Variants in VEGFA observed in about 807,000 individuals in gnomAD.
The protein encoded by VEGFA is vascular endothelial growth factor A, long form.
In VEGFA, 20 loss-of-function variants were observed where a neutral mutation model predicts 49.7. The ratio of observed to expected loss-of-function variants is 0.40; its 90% CI spans 0.28 to 0.58. The LOEUF is 0.58. VEGFA is among the 20% of genes least tolerant of loss of function. VEGFA has a pLI of 0.40. For missense variants in VEGFA, 505 were observed against 553.5 expected, an observed-to-expected ratio of 0.91 and a Z score of 0.88; for synonymous variants, 219 against 223.4, an observed-to-expected ratio of 0.98 and a Z score of 0.18.
chr6:43,777,335 A>C lies in VEGFA; in HGVS notation c.659-134A>C. 1 of 919,286 alleles carries C rather than the reference A, an allele frequency of 1.1e-6. No homozygotes were observed. The highest frequency in any genetic ancestry group is 2.6e-5 in the East Asian group (1 of 38,496). 56.9% of individuals were successfully genotyped at this position (919,286 alleles called of 1,614,324 possible). On this transcript the variant is annotated intron_variant, in intron 2 of 7. Coordinates refer to ENST00000672860, the MANE Select transcript of VEGFA (RefSeq NM_003376.6). The surrounding 1 kb of genome is among the most constrained non-coding windows in gnomAD (Gnocchi z 4.3). ...AAGTGCTTCAAACACAGTAGGAGGGACTTACGTTAGATTTTGGAAGGACTT... is the reference window on the plus strand; with the variant it reads ...AAGTGCTTCAAACACAGTAGGAGGGCCTTACGTTAGATTTTGGAAGGACTT...
At chr6:43,779,914 T>A in intron 5 of VEGFA, 1 of 333,806 alleles carries the variant, frequency 3.0e-6, no homozygotes, top group Non-Finnish European at 6.1e-6. Flanking sequence ...TTTCCCCAAA[T>A]GACTGCTCTG....
rs530287018 is a variant in VEGFA, at chr6:43,785,290, TC to T, written c.*729del. The T allele has an allele frequency of 2.4e-5, 5 of 207,282 alleles. No homozygotes were observed. The highest frequency in any genetic ancestry group is 4.9e-5 in the Non-Finnish European group (5 of 101,254). The allele number at this position is 207,282 out of a possible 1,614,324, so 12.8% of individuals were successfully genotyped here. A position where few individuals can be genotyped will look rare whatever the true frequency, so the allele number is the denominator to read the frequency against. ...CAGGTCAGACGGACAGAAAGACAGA[TC>T]ACAGGTACAGGGATGAGGACACCGG... On this transcript the variant is annotated 3_prime_UTR_variant, in exon 8 of 8. Transcript: ENST00000672860.
chr6:43,780,313 C>G (rs1315570294), intron 5 of VEGFA: 2 of 297,458 alleles, frequency 6.7e-6, no homozygotes, highest in South Asian at 3.4e-5. Flanking sequence ...TCTGGCCTAC[C>G]TTTTATCACC....
intron 3 of VEGFA, 179 bp from the exon 4 acceptor site, chr6:43,778,281 G>T: frequency 1.5e-6 from 1 of 680,442 alleles, no homozygotes; most frequent in Non-Finnish European, 2.7e-6. Context: ...GCAGGGTTGG[G>T]GGAGTTGGGG....
intron 5 of VEGFA, chr6:43,779,810 A>G (rs1473944699): frequency 6.8e-6 from 3 of 441,842 alleles, no homozygotes; most frequent in Admixed American, 4.8e-5. Context: ...CTTCCCTGTG[A>G]CAGACATCCT....
chr6:43,781,121 C>T (rs1275408585), intron 6 of VEGFA: 2 of 573,780 alleles, frequency 3.5e-6, no homozygotes, highest in Non-Finnish European at 3.1e-6. Flanking sequence ...CCCATGTTGG[C>T]ACAGGTGCCT....
chr6:43,776,393 T>G (rs1450516568), intron 2 of VEGFA: 1 of 152,212 alleles, frequency 6.6e-6, no homozygotes, highest in Non-Finnish European at 1.5e-5. Context: ...GGCCACAATT[T>G]GGAGTAGTCA....
At chr6:43,779,605 C>T (rs565525356) in intron 5 of VEGFA, 2 of 439,978 alleles carry the variant, frequency 4.5e-6, no homozygotes, top group African/African-American at 2.0e-5. Flanking sequence ...TGTGCCCTGC[C>T]CTTTCCCCCA....
Position 43,771,109 on chromosome 6 carries a change from G to C in VEGFA, c.403G>C (p.Ala135Pro). Residue 135 changes from alanine to proline, a missense_variant, in exon 1 of 8, where the codon GCT becomes CCT. Coordinates refer to ENST00000672860, the MANE Select transcript of VEGFA (RefSeq NM_003376.6). ...CGCAGACAGTGCTCCAGCCGCGCGC[G>C]CTCCCCAGGCCCTGGCCCGGGCCTC... The C allele has an allele frequency of 1.4e-6, 2 of 1,464,408 alleles. No homozygotes were observed. The highest frequency in any genetic ancestry group is 2.4e-4 in the Middle Eastern group (1 of 4,246). 90.7% of individuals were successfully genotyped at this position (1,464,408 alleles called of 1,614,324 possible). A position where few individuals can be genotyped will look rare whatever the true frequency, so the allele number is the denominator to read the frequency against.
At chr6:43,771,955 G>C in intron 1 of VEGFA, 2 of 956,630 alleles carry the variant, frequency 2.1e-6, no homozygotes, top group Non-Finnish European at 2.5e-6. Flanking sequence ...CCGCCCGGCC[G>C]GGTGCGCGCG....
chr6:43,785,949 A>G lies in VEGFA; in HGVS notation c.*1387A>G, dbSNP rs1394687532. On this transcript the variant is annotated 3_prime_UTR_variant, in exon 8 of 8. Transcript: ENST00000672860. ...CTCTTATTTGTACCGGTTTTTGTAT[A>G]TAAAATTCATGTTTCCAATCTCTCT... 5.6e-6 allele frequency: 1 copy of G among 180,010 alleles called. No homozygotes were observed. The highest frequency in any genetic ancestry group is 9.7e-5 in the East Asian group (1 of 10,284). The allele number at this position is 180,010 out of a possible 1,614,324, so 11.2% of individuals were successfully genotyped here.
At chr6:43,778,654 G>A in intron 4 of VEGFA, 118 bp downstream of exon 4, 1 of 1,162,496 alleles carries the variant, frequency 8.6e-7, no homozygotes, top group Non-Finnish European at 1.3e-6. Flanking sequence ...TGTGACCTTT[G>A]GCATTTTACT....
rs1339912264 is a variant in VEGFA, at chr6:43,770,975, C to G, written c.269C>G (p.Pro90Arg). 14 of 1,543,122 alleles carry G rather than the reference C, an allele frequency of 9.1e-6. No individual in the cohort carries two copies. In the African/African-American group the frequency reaches 9.7e-5, roughly 11 times the overall value. ...AGTGCTAGCTCGGGCCGGGAGGAGC[C>G]GCAGCCGGAGGAGGGGGAGGAGGAA... The change falls in exon 1 of 8, where the codon CCG becomes CGG. Residue 90 changes from proline to arginine, a missense_variant. Around this residue, in one of 2 missense-constraint regions of VEGFA, gnomAD observed 340 missense variants for 321.8 expected, o/e 1.06. Transcript: ENST00000672860.
chr6:43,776,343 T>G (rs532261341), intron 2 of VEGFA: 2 of 152,386 alleles, frequency 1.3e-5, no homozygotes, highest in East Asian at 3.9e-4. Context: ...AGGATTGCTA[T>G]GTGGTAGTGG....
At chr6:43,771,923 C>A in intron 1 of VEGFA, 1 of 737,682 alleles carries the variant, frequency 1.4e-6, no homozygotes, top group Non-Finnish European at 1.7e-6. Flanking sequence ...CCGCTCGCGT[C>A]CCGCTCGGTG....
chr6:43,778,955 T>C, intron 5 of VEGFA, 37 bp downstream of exon 5: 2 of 1,613,968 alleles, frequency 1.2e-6, no homozygotes, highest in Non-Finnish European at 8.5e-7. Flanking sequence ...TCCCTCTCCA[T>C]GGCCGGTTGT....
chr6:43,774,209 C>G (rs561468547), intron 1 of VEGFA, 132 bp from the exon 2 acceptor site: 9 of 922,642 alleles, frequency 9.8e-6, no homozygotes, highest in East Asian at 2.6e-5. Flanking sequence ...GTGTCCTGTT[C>G]GACTCAGAAG....
At position 43,781,941 on chromosome 6, in the gene VEGFA, T is replaced by C. The variant is rs754159404; in HGVS notation, c.1035-15T>C. ...ATGCTCTAGCTTAGATGTCTTTCCT[T>C]TTGCCTTTTTGCAGTCCCTGTGGGC... On this transcript the variant is annotated splice_polypyrimidine_tract_variant and intron_variant, in intron 6 of 7. Coordinates refer to ENST00000672860, the MANE Select transcript of VEGFA (RefSeq NM_003376.6). 6.2e-7 allele frequency: 1 copy of C among 1,613,590 alleles called. No individual in the cohort carries two copies. Among genetic ancestry groups the C allele is most frequent in the Non-Finnish European group, 8.5e-7 (1 of 1,179,818 alleles).
chr6:43,779,324 C>T, intron 5 of VEGFA: 1 of 389,430 alleles, frequency 2.6e-6, no homozygotes, highest in Non-Finnish European at 4.8e-6. Flanking sequence ...TTGGTGGCTG[C>T]TGTGACGGTG....
Sources: allele counts gnomAD v4.1 joint callset, GRCh38; gene constraint gnomAD v4.1.1; regional missense constraint gnomAD v4.1.1; non-coding constraint Gnocchi (gnomAD v3.1); transcripts MANE v1.5; gene names NCBI Gene and HGNC (gene_info 2026-07-23, HGNC 2026-07-21).